Variants in TBX20 observed in about 807,000 individuals in gnomAD.
The protein encoded by TBX20 is T-box transcription factor TBX20.
TBX20 carries 8 observed loss-of-function variants against 42.9 expected under a neutral mutation model. The observed-to-expected ratio is 0.19, with a 90% CI of 0.11 to 0.34. The LOEUF is 0.34. Ranked by LOEUF, TBX20 falls within the 10% of genes least tolerant of loss-of-function variation. TBX20 has a pLI of 1.00. For missense variants in TBX20, 411 were observed against 566.0 expected (o/e 0.73, Z 2.78); for synonymous variants, 198 against 222.8 (o/e 0.89, Z 0.99).
intron 1 of TBX20, among the ~76,000 whole-genome samples, chr7:35,253,001 G>T (rs139500683): frequency 6.6e-6 from 1 of 152,202 alleles, no homozygotes; most frequent in Admixed American, 6.5e-5. Flanking sequence ...AAAATGGTTC[G>T]TGTAGGGAGA....
At chr7:35,235,954 C>T (rs1584352892) in intron 5 of TBX20, among the ~76,000 whole-genome samples, 1 of 152,048 alleles carries the variant, frequency 6.6e-6, no homozygotes, top group Non-Finnish European at 1.5e-5. Context: ...GAAACTTGAC[C>T]TACACTTCAA....
chr7:35,247,332 T>C (rs1392737788), intron 3 of TBX20, among the ~76,000 whole-genome samples: 1 of 152,006 alleles, frequency 6.6e-6, no homozygotes, highest in Non-Finnish European at 1.5e-5. Context: ...TTATTAATTT[T>C]AATATCTATT....
In TBX20 at chr7:35,249,927, C is replaced by T. The variant is rs1212012790; in HGVS notation, c.380+24G>A. ...AGTGTCCTGACTCTCCACCCCCAAC[C>T]CCCAACCCCCAAGTCCCAACTACCT... On this transcript the variant is annotated intron_variant, in intron 2 of 7. Coordinates refer to ENST00000408931, the MANE Select transcript of TBX20 (RefSeq NM_001077653.2). The surrounding 1 kb of genome is among the most constrained non-coding windows in gnomAD (Gnocchi z 4.3). 8.8e-6 allele frequency: 14 copies of T among 1,588,322 alleles called. No individual in the cohort carries two copies. Among genetic ancestry groups the T allele is most frequent in the African/African-American group, 1.3e-5 (1 of 74,740 alleles).
chr7:35,222,841 T>C (rs1194214369), intron 6 of TBX20, among the ~76,000 whole-genome samples: 2 of 149,682 alleles, frequency 1.3e-5, no homozygotes, highest in African/African-American at 5.1e-5. Flanking sequence ...CTTTGGATTG[T>C]ACCCTAAATT....
Position 35,225,708 on chromosome 7 carries a change from G to A in TBX20, c.890+5796C>T, listed in dbSNP as rs537112934. On this transcript the variant is annotated intron_variant, in intron 6 of 7. Coordinates refer to ENST00000408931, the MANE Select transcript of TBX20 (RefSeq NM_001077653.2). Reference sequence around the variant, plus strand: ...ATACTGATATCACTGTAAAGATATCGATTTTCCCTCCCAGGTTATTATATA... The same window carrying A: ...ATACTGATATCACTGTAAAGATATCAATTTTCCCTCCCAGGTTATTATATA... Among the ~76,000 whole-genome samples, 143 of 152,270 alleles carry A rather than the reference G, an allele frequency of 9.4e-4. 5 individuals carry two copies. The highest frequency in any genetic ancestry group is 3.3e-3 in the East Asian group (17 of 5,192).
chr7:35,247,091 C>A (rs1212234098), intron 3 of TBX20, among the ~76,000 whole-genome samples: 2 of 150,528 alleles, frequency 1.3e-5, no homozygotes, highest in African/African-American at 2.4e-5. Context: ...TGCATCAGCT[C>A]CCCATACCTT....
intron 5 of TBX20, among the ~76,000 whole-genome samples, 167 bp downstream of exon 5, chr7:35,240,710 TAC>T (rs1436856448): frequency 6.8e-6 from 1 of 147,166 alleles, no homozygotes; most frequent in Non-Finnish European, 1.5e-5. Flanking sequence ...TATAGTGTAA[TAC>T]ACAGTCACTC....
At chr7:35,229,946 A>T (rs1584350000) in intron 6 of TBX20, among the ~76,000 whole-genome samples, 1 of 152,104 alleles carries the variant, frequency 6.6e-6, no homozygotes, top group Middle Eastern at 3.4e-3. Flanking sequence ...CTCCAGGATC[A>T]CTCACCCAGG....
At chr7:35,228,074 C>G (rs1357263177) in intron 6 of TBX20, among the ~76,000 whole-genome samples, 3 of 139,124 alleles carry the variant, frequency 2.2e-5, no homozygotes, top group African/African-American at 8.4e-5. Context: ...AATTTTTAAA[C>G]AATTAAAAAT....
At chr7:35,223,447 A>T (rs1373417246) in intron 6 of TBX20, among the ~76,000 whole-genome samples, 1 of 152,198 alleles carries the variant, frequency 6.6e-6, no homozygotes, top group African/African-American at 2.4e-5. Context: ...ATGTAGACTG[A>T]GAAGAGAAGT....
chr7:35,215,114 T>C (rs1260775568), intron 6 of TBX20, among the ~76,000 whole-genome samples: 2 of 152,208 alleles, frequency 1.3e-5, no homozygotes, highest in African/African-American at 2.4e-5. Context: ...AACATTTTGC[T>C]TTTCTGAAAG....
At position 35,206,921 on chromosome 7, in the gene TBX20, T is replaced by C. The variant is rs144556463; in HGVS notation, c.891-2339A>G. 6.2e-3 allele frequency among the ~76,000 whole-genome samples: 946 copies of C among 152,348 alleles called. 6 individuals are homozygous for C. The highest frequency in any genetic ancestry group is 0.022 in the African/African-American group (898 of 41,570). ...GGATATATTATGGTTTATTCACTTA[T>C]TGATGGATATTTGACTTGTTTCTAG... is the stretch of plus-strand genomic sequence containing the variant. On this transcript the variant is annotated intron_variant, in intron 6 of 7. Transcript: ENST00000408931.
At chr7:35,213,753 T>C (rs1789535180) in intron 6 of TBX20, among the ~76,000 whole-genome samples, 1 of 151,976 alleles carries the variant, frequency 6.6e-6, no homozygotes, top group South Asian at 2.1e-4. Flanking sequence ...CATTCTGACT[T>C]TGTTACTTTC....
chr7:35,224,032 A>G (rs1789728026), intron 6 of TBX20, among the ~76,000 whole-genome samples: 1 of 152,242 alleles, frequency 6.6e-6, no homozygotes, highest in Non-Finnish European at 1.5e-5. Flanking sequence ...TGAGACAAAA[A>G]CAATTACATG....
At chr7:35,216,605 A>T (rs921714334) in intron 6 of TBX20, among the ~76,000 whole-genome samples, 3 of 152,366 alleles carry the variant, frequency 2.0e-5, no homozygotes, top group African/African-American at 7.2e-5. Context: ...CATTGAGATT[A>T]TGTGTTCCAG....
chr7:35,238,656 C>T (rs887679914), intron 5 of TBX20, among the ~76,000 whole-genome samples: 10 of 152,190 alleles, frequency 6.6e-5, no homozygotes, highest in African/African-American at 1.2e-4. Flanking sequence ...AAATTAAAAA[C>T]AGGATTGCTG....
chr7:35,234,554 C>T (rs1789926925), intron 5 of TBX20, among the ~76,000 whole-genome samples: 2 of 152,084 alleles, frequency 1.3e-5, no homozygotes, highest in South Asian at 4.1e-4. Context: ...TCATTTTAAT[C>T]CAACTTTCAT....
chr7:35,248,803 A>G lies in TBX20; in HGVS notation c.419T>C (p.Val140Ala), dbSNP rs761007038. The change falls in exon 3 of 8, where the codon GTG (valine) becomes GCG (alanine). Residue 140 changes from valine (V) to alanine (A), a missense_variant. Val to Ala is a moderately conservative substitution (Grantham distance 64). Coordinates refer to ENST00000408931, the MANE Select transcript of TBX20 (RefSeq NM_001077653.2). ...GACTATGTACTTGGCCTCAGGATCC[A>G]CCCCCGAAAAGGACACCCGGATGGT... ...FPTIRVSFSG[V>A]DPEAKYIVLM... 9 of 1,613,756 alleles carry G rather than the reference A, an allele frequency of 5.6e-6. No homozygotes were observed. Among genetic ancestry groups the G allele is most frequent in the Non-Finnish European group, 7.6e-6 (9 of 1,179,986 alleles).
Position 35,253,587 on chromosome 7 carries a change from A to G in TBX20, c.34T>C (p.Ser12Pro). Residue 12 changes from serine (S) to proline (P), a missense_variant, in exon 1 of 8, where the codon TCC becomes CCC. Around this residue, in one of 5 missense-constraint regions of TBX20, gnomAD observed 114 missense variants for 128.0 expected, o/e 0.89. Transcript: ENST00000408931. The stretch of plus-strand genomic sequence containing the variant: ...ATGGAGAAGGCGTTGGCCCGAGAGG[A>G]GAGTTGGGGCTTGGGGGACGCCGTG... ...EFTASPKPQL[S>P]SRANAFSIAA... The G allele has an allele frequency of 6.2e-7, 1 of 1,612,114 alleles. No homozygotes were observed. The highest frequency in any genetic ancestry group is 1.7e-5 in the Admixed American group (1 of 60,024).
Sources: allele counts gnomAD v4.1 joint callset (sites outside exome capture counted in the v4.1 genomes callset), GRCh38; gene constraint gnomAD v4.1.1; regional missense constraint gnomAD v4.1.1; non-coding constraint Gnocchi (gnomAD v3.1); transcripts MANE v1.5; gene names NCBI Gene and HGNC (gene_info 2026-07-23, HGNC 2026-07-21).